The following LRFN2 variants were observed in gnomAD, a reference collection of about 807,000 sequenced individuals.
LRFN2 encodes the protein leucine rich repeat and fibronectin type III domain containing 2, also known as leucine-rich repeat and fibronectin type-III domain-containing protein 2.
In LRFN2, 18 loss-of-function variants were observed where a neutral mutation model predicts 37.3. The observed-to-expected ratio is 0.48, with a 90% confidence interval of 0.33 to 0.72. LRFN2 has a LOEUF of 0.72. Ranked by LOEUF, LRFN2 falls within the 30% of genes least tolerant of loss-of-function variation. The pLI is 0.02. For missense variants in LRFN2, 1,006 were observed against 1,060.7 expected, an observed-to-expected ratio of 0.95 and a Z score of 0.72; for synonymous variants, 556 against 466.6, an observed-to-expected ratio of 1.19 and a Z score of -2.47.
At chr6:40,471,810 C>T (rs190810411) in intron 1 of LRFN2, among the ~76,000 whole-genome samples, 1 of 152,326 alleles carries the variant, frequency 6.6e-6, no homozygotes, top group East Asian at 1.9e-4. Context: ...TGACTTGCCA[C>T]ATACCCACAA....
intron 2 of LRFN2, among the ~76,000 whole-genome samples, chr6:40,422,921 A>T (rs1416802826): frequency 1.3e-5 from 2 of 152,182 alleles, no homozygotes; most frequent in Non-Finnish European, 2.9e-5. Context: ...CTTGCTAATT[A>T]CTTTTTATCT....
chr6:40,578,688 T>G (rs751909514), intron 1 of LRFN2, among the ~76,000 whole-genome samples: 1 of 152,162 alleles, frequency 6.6e-6, no homozygotes, highest in Non-Finnish European at 1.5e-5. Context: ...CACTAATAGC[T>G]CACACGTATA....
intron 1 of LRFN2, among the ~76,000 whole-genome samples, chr6:40,515,754 G>A (rs566631403): frequency 8.9e-4 from 136 of 152,144 alleles, no homozygotes; most frequent in Non-Finnish European, 1.7e-3. Flanking sequence ...TTAGCCAGGC[G>A]TGGTGCCATG....
intron 1 of LRFN2, among the ~76,000 whole-genome samples, chr6:40,457,560 G>A (rs1336123106): frequency 6.8e-6 from 1 of 148,020 alleles, no homozygotes; most frequent in African/African-American, 2.5e-5. Context: ...AATCACTTGA[G>A]CCTAGGAGGT....
At chr6:40,434,767 C>T (rs1163657805) in intron 1 of LRFN2, among the ~76,000 whole-genome samples, 3 of 151,634 alleles carry the variant, frequency 2.0e-5, no homozygotes, top group Non-Finnish European at 2.9e-5. Flanking sequence ...CGTGAGCCAC[C>T]GTGCCCAGCC....
chr6:40,576,862 C>T (rs1461141579), intron 1 of LRFN2, among the ~76,000 whole-genome samples: 1 of 151,976 alleles, frequency 6.6e-6, no homozygotes, highest in Non-Finnish European at 1.5e-5. Flanking sequence ...TCATTCTGGT[C>T]TTCTTCACCT....
rs1767187285 is a variant in LRFN2, at chr6:40,571,565, G to A, written c.-19+15376C>T. Among the ~76,000 whole-genome samples, 3 of 152,202 alleles carry A rather than the reference G, an allele frequency of 2.0e-5. No individual in the cohort carries two copies. The South Asian group carries it at 6.2e-4, about 31-fold the overall frequency. ...AACCCAGAGTCCTCCCAAAGTAGCG[G>A]AACCTCGAGATTCCAGGTGGCGCTG... On this transcript the variant is annotated intron_variant, in intron 1 of 2. Coordinates refer to ENST00000338305, the MANE Select transcript of LRFN2 (RefSeq NM_020737.3).
chr6:40,507,937 C>G (rs186360796), intron 1 of LRFN2, among the ~76,000 whole-genome samples: 54 of 152,232 alleles, frequency 3.5e-4, no homozygotes, highest in African/African-American at 1.1e-3. Context: ...ACATTGTATG[C>G]ATGTCATAGC....
chr6:40,429,287 G>C (rs897660309), intron 2 of LRFN2, among the ~76,000 whole-genome samples: 3 of 152,174 alleles, frequency 2.0e-5, no homozygotes, highest in Admixed American at 2.0e-4. Context: ...GTATCTTTGA[G>C]ACCCCTGGCA....
intron 1 of LRFN2, among the ~76,000 whole-genome samples, chr6:40,553,393 C>G (rs1766813350): frequency 6.6e-6 from 1 of 152,216 alleles, no homozygotes; most frequent in Non-Finnish European, 1.5e-5. Context: ...ACAAGGGAAA[C>G]TGAGTCACGT....
At chr6:40,485,354 T>G (rs1168288173) in intron 1 of LRFN2, among the ~76,000 whole-genome samples, 2 of 152,206 alleles carry the variant, frequency 1.3e-5, no homozygotes, top group Admixed American at 6.5e-5. Flanking sequence ...TTTTTCCCAG[T>G]GACAGAGTGG....
intron 1 of LRFN2, among the ~76,000 whole-genome samples, chr6:40,577,324 A>G (rs1282896394): frequency 6.6e-6 from 1 of 151,582 alleles, no homozygotes; most frequent in Non-Finnish European, 1.5e-5. Flanking sequence ...CTGGTCTCGA[A>G]CTCCTGAGCT....
intron 1 of LRFN2, among the ~76,000 whole-genome samples, chr6:40,583,566 G>T (rs1006372273): frequency 6.6e-6 from 1 of 152,136 alleles, no homozygotes; most frequent in Non-Finnish European, 1.5e-5. Flanking sequence ...AAGAGAAAGG[G>T]TCACAAATAT....
At chr6:40,570,260 TG>T (rs1767164351) in intron 1 of LRFN2, among the ~76,000 whole-genome samples, 1 of 152,220 alleles carries the variant, frequency 6.6e-6, no homozygotes, top group Non-Finnish European at 1.5e-5. Context: ...TTCTAAGCAG[TG>T]GATATAAAAA....
intron 1 of LRFN2, among the ~76,000 whole-genome samples, chr6:40,454,199 A>G (rs1185855193): frequency 6.6e-6 from 1 of 152,272 alleles, no homozygotes; most frequent in Non-Finnish European, 1.5e-5. Flanking sequence ...AAGATGTTTG[A>G]TAATAGCCAG....
chr6:40,404,585 C>T (rs1480223535), intron 2 of LRFN2, among the ~76,000 whole-genome samples: 3 of 152,212 alleles, frequency 2.0e-5, no homozygotes, highest in African/African-American at 7.2e-5. Context: ...CACTGTGTGA[C>T]ATTTCCATCA....
At chr6:40,445,803 G>T (rs1245978364) in intron 1 of LRFN2, among the ~76,000 whole-genome samples, 2 of 152,128 alleles carry the variant, frequency 1.3e-5, no homozygotes, top group African/African-American at 4.8e-5. Context: ...CCTCTTTCTG[G>T]CCCTGTGGTC....
chr6:40,556,698 C>A (rs1766892657), intron 1 of LRFN2, among the ~76,000 whole-genome samples: 1 of 150,276 alleles, frequency 6.7e-6, no homozygotes, highest in African/African-American at 2.5e-5. Context: ...CTTTGTTTCT[C>A]TCTCTCTTAC....
chr6:40,541,080 A>G (rs1766547207), intron 1 of LRFN2, among the ~76,000 whole-genome samples: 1 of 152,176 alleles, frequency 6.6e-6, no homozygotes, highest in African/African-American at 2.4e-5. Context: ...GCACAGGTGC[A>G]GGGTGAGTCC....
Sources: allele counts gnomAD v4.1 joint callset (sites outside exome capture counted in the v4.1 genomes callset), GRCh38; gene constraint gnomAD v4.1.1; transcripts MANE v1.5; gene names NCBI Gene and HGNC (gene_info 2026-07-23, HGNC 2026-07-21).